PPM1H: variants seen among roughly 807,000 people sequenced by gnomAD.
PPM1H encodes the protein protein phosphatase, Mg2+/Mn2+ dependent 1H.
A neutral mutation model predicts 54.9 loss-of-function variants in PPM1H; 27 were observed. That is an observed-to-expected ratio of 0.49 (90% CI 0.36 to 0.68). The LOEUF (loss-of-function observed/expected upper bound fraction) is 0.68, where lower values mean the gene tolerates loss of function less well. Among genes scored for constraint, PPM1H ranks in the 30% least tolerant of loss-of-function variants. PPM1H has a pLI of 0.00. For missense variants in PPM1H, 596 were observed against 667.8 expected (o/e 0.89, Z 1.19); for synonymous variants, 305 against 270.8 (o/e 1.13, Z -1.24).
At chr12:62,878,974 G>A (rs890965113) in intron 1 of PPM1H, among the ~76,000 whole-genome samples, 1 of 152,142 alleles carries the variant, frequency 6.6e-6, no homozygotes, top group Admixed American at 6.6e-5. Flanking sequence ...ACTGATTGAA[G>A]GTATCTGTGA....
Position 62,648,597 on chromosome 12 carries a change from C to T in PPM1H, c.1437G>A (p.Arg479=). The T allele has an allele frequency of 6.2e-7, 1 of 1,613,978 alleles. No individual in the cohort carries two copies. The highest frequency in any genetic ancestry group is 1.1e-5 in the South Asian group (1 of 91,080). Residue 479 remains arginine (R), a synonymous_variant, in exon 10 of 10, where the codon CGG becomes CGA. Transcript: ENST00000228705. ...GCCATCCTCTGTCCTTCAGCACACCCCGGGCACGCATCACCAGGTCCTGAG... is the reference window on the plus strand; with the variant it reads ...GCCATCCTCTGTCCTTCAGCACACCTCGGGCACGCATCACCAGGTCCTGAG... ...LAAQDLVMRA[R]GVLKDRGWRI...
At chr12:62,764,516 C>T (rs1441895768) in intron 4 of PPM1H, among the ~76,000 whole-genome samples, 6 of 152,188 alleles carry the variant, frequency 3.9e-5, no homozygotes, top group African/African-American at 1.4e-4. Context: ...ATCCATGTGA[C>T]CTTGAGTGTA....
At chr12:62,766,827 A>G (rs36070688) in intron 4 of PPM1H, among the ~76,000 whole-genome samples, 12,707 of 152,262 alleles carry the variant, frequency 0.083, 651 homozygotes, top group East Asian at 0.16. Context: ...TTTACCAGGG[A>G]TAGATTTGAG....
In PPM1H at chr12:62,837,032, GC is replaced by G. The variant is rs543347546; in HGVS notation, c.246-4754del. ...AGGAATGAACATGCATGAGATCATAGCAATAGCAGAATCTACTTAAAAGGAG... is the reference window on the plus strand; with the variant it reads ...AGGAATGAACATGCATGAGATCATAGAATAGCAGAATCTACTTAAAAGGAG... On this transcript the variant is annotated intron_variant, in intron 1 of 9. Coordinates refer to ENST00000228705, the MANE Select transcript of PPM1H (RefSeq NM_020700.2). Among the ~76,000 whole-genome samples the G allele has an allele frequency of 4.6e-5, 7 of 152,274 alleles. No individual in the cohort carries two copies. The South Asian group carries it at 1.5e-3, about 32-fold the overall frequency.
At chr12:62,698,343 C>A (rs140979691) in intron 6 of PPM1H, among the ~76,000 whole-genome samples, 1 of 152,282 alleles carries the variant, frequency 6.6e-6, no homozygotes, top group African/African-American at 2.4e-5. Context: ...TTAAACTGAC[C>A]CAAACCCGCT....
intron 4 of PPM1H, among the ~76,000 whole-genome samples, chr12:62,749,150 C>T (rs995023016): frequency 2.0e-5 from 3 of 152,142 alleles, no homozygotes; most frequent in Non-Finnish European, 4.4e-5. Context: ...TGAGCAAGGC[C>T]CCCAATGTAA....
intron 1 of PPM1H, among the ~76,000 whole-genome samples, chr12:62,898,953 G>C (rs1227014603): frequency 6.6e-6 from 1 of 152,146 alleles, no homozygotes; most frequent in East Asian, 1.9e-4. Context: ...CCACTGAAAG[G>C]CTCGTGTACA....
chr12:62,751,942 C>G (rs190060316), intron 4 of PPM1H, among the ~76,000 whole-genome samples: 1 of 152,196 alleles, frequency 6.6e-6, no homozygotes, highest in Non-Finnish European at 1.5e-5. Flanking sequence ...ACCTGTAAGG[C>G]CTCTCTGGCT....
Position 62,692,126 on chromosome 12 carries a change from G to A in PPM1H, c.1137+1810C>T, listed in dbSNP as rs115945094. On this transcript the variant is annotated intron_variant, in intron 7 of 9. Coordinates refer to ENST00000228705, the MANE Select transcript of PPM1H (RefSeq NM_020700.2). ...CACAGAAGTACTCTGAAATTTCTGC[G>A]TAGGGGTACGCGGAGAAGAAAGAGA... Among the ~76,000 whole-genome samples the A allele has an allele frequency of 1.1e-3, 169 of 152,280 alleles. 2 individuals carry two copies. The highest frequency in any genetic ancestry group is 3.8e-3 in the African/African-American group (158 of 41,560).
chr12:62,843,745 A>G (rs1868845377), intron 1 of PPM1H, among the ~76,000 whole-genome samples: 1 of 152,208 alleles, frequency 6.6e-6, no homozygotes, highest in African/African-American at 2.4e-5. Flanking sequence ...TTTTAAAAAA[A>G]GTACTTTATT....
At chr12:62,855,531 G>A (rs928554054) in intron 1 of PPM1H, among the ~76,000 whole-genome samples, 2 of 152,190 alleles carry the variant, frequency 1.3e-5, no homozygotes, top group African/African-American at 2.4e-5. Context: ...AATTAGCAGC[G>A]AGAAAAGATG....
chr12:62,926,051 G>A (rs1871962986), intron 1 of PPM1H, among the ~76,000 whole-genome samples: 1 of 152,178 alleles, frequency 6.6e-6, no homozygotes, highest in Non-Finnish European at 1.5e-5. Flanking sequence ...GGTCCTGGCA[G>A]CCATAATCAC....
At chr12:62,786,982 A>T (rs75584199) in intron 4 of PPM1H, among the ~76,000 whole-genome samples, 2,354 of 152,316 alleles carry the variant, frequency 0.015, 58 homozygotes, top group African/African-American at 0.054. Context: ...TGAAAGCAAC[A>T]GACCTTCAAC....
In PPM1H at chr12:62,648,555, T is replaced by C. The variant is rs910637006; in HGVS notation, c.1479A>G (p.Arg493=). ...CAGAAATGTCGTCTCCTGAGCCCAGTCGGTCATTAGATATCCGCCATCCTC... is the reference window on the plus strand; with the variant it reads ...CAGAAATGTCGTCTCCTGAGCCCAGCCGGTCATTAGATATCCGCCATCCTC... ...KDRGWRISND[R]LGSGDDISVY... Residue 493 remains arginine (R), a synonymous_variant, in exon 10 of 10, where the codon CGA becomes CGG. Coordinates refer to ENST00000228705, the MANE Select transcript of PPM1H (RefSeq NM_020700.2). 6.2e-7 allele frequency: 1 copy of C among 1,613,940 alleles called. No homozygotes were observed. The highest frequency in any genetic ancestry group is 8.5e-7 in the Non-Finnish European group (1 of 1,179,882).
chr12:62,885,872 G>A (rs61920276), intron 1 of PPM1H, among the ~76,000 whole-genome samples: 35 of 152,196 alleles, frequency 2.3e-4, no homozygotes, highest in Non-Finnish European at 4.0e-4. Flanking sequence ...GAATTTGCCA[G>A]TTCATGAAAT....
intron 1 of PPM1H, among the ~76,000 whole-genome samples, chr12:62,873,277 C>T (rs1870050518): frequency 1.3e-5 from 2 of 152,218 alleles, no homozygotes; most frequent in Admixed American, 6.5e-5. Flanking sequence ...CTCTGTACAT[C>T]CTCAACTACA....
chr12:62,866,112 T>C (rs1012490226), intron 1 of PPM1H, among the ~76,000 whole-genome samples: 2 of 152,178 alleles, frequency 1.3e-5, no homozygotes, highest in Non-Finnish European at 2.9e-5. Flanking sequence ...AGTAAGAAAC[T>C]GCGAAGAGGG....
At chr12:62,657,081 C>T (rs1034496680) in intron 9 of PPM1H, among the ~76,000 whole-genome samples, 11 of 152,110 alleles carry the variant, frequency 7.2e-5, no homozygotes, top group African/African-American at 2.7e-4. Context: ...CCTGAGACAC[C>T]AGAATAACGA....
intron 1 of PPM1H, among the ~76,000 whole-genome samples, chr12:62,892,179 C>CT (rs1186108204): frequency 6.6e-6 from 1 of 152,142 alleles, no homozygotes; most frequent in East Asian, 1.9e-4. Context: ...CTAAATTCAA[C>CT]TTTTTTTCCC....
Sources: allele counts gnomAD v4.1 joint callset (sites outside exome capture counted in the v4.1 genomes callset), GRCh38; gene constraint gnomAD v4.1.1; transcripts MANE v1.5; gene names NCBI Gene and HGNC (gene_info 2026-07-23, HGNC 2026-07-21).